CEP85: variants seen among roughly 807,000 people sequenced by gnomAD.
CEP85 encodes the protein centrosomal protein of 85 kDa.
A neutral mutation model predicts 93.7 loss-of-function variants in CEP85; 58 were observed. The ratio of observed to expected loss-of-function variants is 0.62; its 90% CI spans 0.50 to 0.77. The LOEUF (loss-of-function observed/expected upper bound fraction) is 0.77, where lower values mean the gene tolerates loss of function less well. Among genes scored for constraint, CEP85 ranks in the 30% least tolerant of loss-of-function variants. CEP85 has a pLI of 0.00. For synonymous variants in CEP85, 314 were observed against 338.6 expected, an observed-to-expected ratio of 0.93 and a Z score of 0.80; for missense variants, 868 against 922.0, an observed-to-expected ratio of 0.94 and a Z score of 0.76.
At chr1:26,271,462 G>T in intron 10 of CEP85, 1 of 177,204 alleles carries the variant, frequency 5.6e-6, no homozygotes, top group Non-Finnish European at 1.2e-5. Flanking sequence ...CCAGTGAGGT[G>T]CCCTGGTTTC....
At chr1:26,243,016 C>T (rs2089451806) in intron 2 of CEP85, among the ~76,000 whole-genome samples, 1 of 152,050 alleles carries the variant, frequency 6.6e-6, no homozygotes, top group South Asian at 2.1e-4. Context: ...GATATCTTCA[C>T]GTTGCTCTCA....
intron 3 of CEP85, among the ~76,000 whole-genome samples, chr1:26,252,976 A>G (rs1441870636): frequency 1.3e-5 from 2 of 152,100 alleles, no homozygotes; most frequent in Non-Finnish European, 2.9e-5. Context: ...TAGCTTCCAC[A>G]TATAAGTAAG....
chr1:26,250,957 T>TGAGACAGAG (rs2089603384), intron 3 of CEP85, among the ~76,000 whole-genome samples: 3 of 104,512 alleles, frequency 2.9e-5, no homozygotes, highest in African/African-American at 3.9e-5. Context: ...TTTTTTTTTT[T>TGAGACAGAG]TGAGACAGAG....
chr1:26,253,939 G>A (rs182807433), intron 3 of CEP85, among the ~76,000 whole-genome samples: 1 of 152,018 alleles, frequency 6.6e-6, no homozygotes, highest in African/African-American at 2.4e-5. Context: ...AGGCTGCAGT[G>A]AACTGTGATC....
At chr1:26,261,212 C>T (rs1435643267) in intron 7 of CEP85, among the ~76,000 whole-genome samples, 2 of 151,682 alleles carry the variant, frequency 1.3e-5, no homozygotes, top group Admixed American at 6.6e-5. Flanking sequence ...GTGGCTCATG[C>T]TTGTAATCCC....
intron 7 of CEP85, among the ~76,000 whole-genome samples, chr1:26,261,133 G>A (rs773015451): frequency 4.0e-5 from 6 of 151,786 alleles, no homozygotes; most frequent in Non-Finnish European, 8.8e-5. Flanking sequence ...TGCTGATGTT[G>A]TTGGTACTGG....
chr1:26,269,904 A>C (rs560550109), intron 9 of CEP85, among the ~76,000 whole-genome samples: 1 of 145,698 alleles, frequency 6.9e-6, no homozygotes, highest in Admixed American at 7.2e-5. Context: ...CTCCTGCCTC[A>C]GCCTCCTGAG....
At chr1:26,242,835 C>T (rs2089448832) in intron 2 of CEP85, among the ~76,000 whole-genome samples, 1 of 152,130 alleles carries the variant, frequency 6.6e-6, no homozygotes, top group Non-Finnish European at 1.5e-5. Flanking sequence ...TCACCAGATA[C>T]ACCTTAGGAA....
At chr1:26,273,604 A>G (rs2090009187) in intron 11 of CEP85, among the ~76,000 whole-genome samples, 1 of 152,222 alleles carries the variant, frequency 6.6e-6, no homozygotes, top group African/African-American at 2.4e-5. Context: ...GCAAATTAAA[A>G]TATCAGGTGA....
At chr1:26,239,623 A>T (rs575986210) in intron 1 of CEP85, 139 bp from the exon 2 acceptor site, 9 of 565,570 alleles carry the variant, frequency 1.6e-5, no homozygotes, top group South Asian at 1.5e-4. Flanking sequence ...AAGTGCTGGG[A>T]TTACAGGTGT....
intron 9 of CEP85, among the ~76,000 whole-genome samples, chr1:26,270,288 G>A (rs750479384): frequency 3.9e-4 from 60 of 152,114 alleles, no homozygotes; most frequent in Non-Finnish European, 7.5e-4. Context: ...TCCACAGTTC[G>A]AGCTGTGTAG....
chr1:26,267,158 A>T (rs1370113526), intron 7 of CEP85, among the ~76,000 whole-genome samples: 1 of 152,256 alleles, frequency 6.6e-6, no homozygotes, highest in Non-Finnish European at 1.5e-5. Flanking sequence ...ATTTCTGACC[A>T]ACTGGCTGCA....
At chr1:26,257,802 TC>T in intron 5 of CEP85, 72 bp downstream of exon 5, 3 of 1,533,690 alleles carry the variant, frequency 2.0e-6, no homozygotes, top group Non-Finnish European at 2.7e-6. Context: ...AATGGAGTCT[TC>T]CCAAGGGCAA....
rs969436490 is a variant in CEP85 at position 26,277,957 on chromosome 1, T to G, written c.*664T>G. ...CAAGAGATCCCACTCTCCAGCTGCC[T>G]TGTGTCCCTAGGGTCCTGGCCATGT... On this transcript the variant is annotated 3_prime_UTR_variant, in exon 14 of 14. Transcript: ENST00000451429. The G allele has an allele frequency of 1.8e-4, 27 of 152,800 alleles. No individual in the cohort carries two copies. Among genetic ancestry groups the G allele is most frequent in the Admixed American group, 1.6e-3 (25 of 15,296 alleles). The allele number at this position is 152,800 out of a possible 1,614,324, so 9.5% of individuals were successfully genotyped here.
intron 7 of CEP85, among the ~76,000 whole-genome samples, chr1:26,261,401 G>A (rs896419989): frequency 6.6e-6 from 1 of 151,994 alleles, no homozygotes; most frequent in Non-Finnish European, 1.5e-5. Context: ...TAACCCAGGA[G>A]GCGGAAGTTG....
At chr1:26,241,136 C>T (rs912174096) in intron 2 of CEP85, among the ~76,000 whole-genome samples, 1 of 151,484 alleles carries the variant, frequency 6.6e-6, no homozygotes, top group Non-Finnish European at 1.5e-5. Context: ...CCTTACTCAG[C>T]GTAGATATTT....
intron 4 of CEP85, among the ~76,000 whole-genome samples, chr1:26,256,736 C>G (rs1211704709): frequency 2.0e-5 from 3 of 150,062 alleles, no homozygotes; most frequent in Non-Finnish European, 4.4e-5. Flanking sequence ...GTAGCTGGGA[C>G]TACAGGTGCG....
chr1:26,238,478 G>A lies in CEP85; in HGVS notation c.-22-1284G>A, dbSNP rs576938783. Reference sequence around the variant, plus strand: ...CCCAAAGTGCTGGGATTACAGGCGTGAGCCACTGAGCCCGGCCGAATTGTC... The same window carrying A: ...CCCAAAGTGCTGGGATTACAGGCGTAAGCCACTGAGCCCGGCCGAATTGTC... On this transcript the variant is annotated intron_variant, in intron 1 of 13. Transcript: ENST00000451429. 4.6e-5 allele frequency among the ~76,000 whole-genome samples: 7 copies of A among 152,256 alleles called. No homozygotes were observed. The East Asian group carries it at 1.4e-3, about 29-fold the overall frequency.
At chr1:26,255,906 A>T in intron 4 of CEP85, 41 bp downstream of exon 4, 1 of 1,489,808 alleles carries the variant, frequency 6.7e-7, no homozygotes, top group Non-Finnish European at 9.1e-7. Flanking sequence ...GGTTCTGTAC[A>T]GTTCTTAGAA....
Sources: gnomAD v4.1 joint callset for allele counts (sites outside exome capture counted in the v4.1 genomes callset) on GRCh38, gnomAD v4.1.1 for gene constraint, MANE v1.5 for transcripts, NCBI Gene and HGNC (gene_info 2026-07-23, HGNC 2026-07-21) for gene names.